AGBL1: variants seen among roughly 807,000 people sequenced by gnomAD.
The protein encoded by AGBL1 is cytosolic carboxypeptidase 4.
Under a neutral mutation model 118.9 loss-of-function variants are expected in AGBL1, and 130 were observed. The ratio of observed to expected loss-of-function variants is 1.09; its 90% confidence interval spans 0.95 to 1.26. The LOEUF (loss-of-function observed/expected upper bound fraction) is 1.26, where lower values mean the gene tolerates loss of function less well. AGBL1 is among the 50% of genes most tolerant of loss of function. AGBL1 has a pLI of 0.00. For synonymous variants in AGBL1, 555 were observed against 478.9 expected, an observed-to-expected ratio of 1.16 and a Z score of -2.08; for missense variants, 1,584 against 1,298.1, an observed-to-expected ratio of 1.22 and a Z score of -3.38.
At chr15:86,820,457 C>A (rs1480967741) in intron 22 of AGBL1, among the ~76,000 whole-genome samples, 2 of 151,556 alleles carry the variant, frequency 1.3e-5, no homozygotes, top group Non-Finnish European at 3.0e-5. Context: ...AGAAACAATC[C>A]CATCAAAAAG....
chr15:86,264,424 G>T lies in AGBL1; in HGVS notation c.1253G>T (p.Arg418Met). 1.9e-6 allele frequency: 3 copies of T among 1,614,010 alleles called. No individual in the cohort carries two copies. Among genetic ancestry groups the T allele is most frequent in the Non-Finnish European group, 2.5e-6 (3 of 1,179,886 alleles). Reference sequence around the variant, plus strand: ...GCTGTCCAGACTTCCCTTCTGTGCAGGGTGAAGACGGGAAGGTCCACTGTG... The same window carrying T: ...GCTGTCCAGACTTCCCTTCTGTGCATGGTGAAGACGGGAAGGTCCACTGTG... ...EYAVQTSLLCRVKTGRSTVHL... is the reference protein window; with the variant it reads ...EYAVQTSLLCMVKTGRSTVHL... The change falls in exon 11 of 23, where the codon AGG (arginine) becomes ATG (methionine). Residue 418 changes from arginine to methionine, a missense_variant. Transcript: ENST00000614907.
intron 17 of AGBL1, among the ~76,000 whole-genome samples, chr15:86,394,657 C>G (rs761205139): frequency 2.6e-5 from 4 of 152,118 alleles, no homozygotes; most frequent in Non-Finnish European, 5.9e-5. Context: ...GCTCCCTCTA[C>G]TTTTATAGTC....
In AGBL1 at chr15:86,266,457, GGT is replaced by G; in HGVS notation, c.1751+1_1751+2del. The G allele has an allele frequency of 6.4e-7, 1 of 1,560,284 alleles. No homozygotes were observed. The highest frequency in any genetic ancestry group is 1.2e-5 in the South Asian group (1 of 84,458). On this transcript the variant is annotated splice_donor_variant, in intron 12 of 22. Coordinates refer to ENST00000614907, the MANE Select transcript of AGBL1 (RefSeq NM_001386094.1). LOFTEE classifies it high-confidence loss of function. ...GTTGTCTTCAGTTTAGATGAGCCTT[GGT>G]AGGTAGTCTCGTGCATCTGAGGAAG...
At chr15:86,097,141 A>G (rs1344318605) in intron 1 of AGBL1, among the ~76,000 whole-genome samples, 2 of 152,128 alleles carry the variant, frequency 1.3e-5, no homozygotes, top group Non-Finnish European at 2.9e-5. Flanking sequence ...TCTAAATGTT[A>G]TTGGGATTGC....
intron 24 of AGBL1, among the ~76,000 whole-genome samples, chr15:86,997,890 GACACACACACACACACACAC>G (rs3030280): frequency 1.6e-4 from 24 of 145,936 alleles, no homozygotes; most frequent in East Asian, 1.2e-3. Flanking sequence ...ACATGTGGAA[GACACACACACACACACACAC>G]ACACACACAC....
At chr15:86,651,114 G>T (rs2085361572) in intron 21 of AGBL1, among the ~76,000 whole-genome samples, 1 of 152,144 alleles carries the variant, frequency 6.6e-6, no homozygotes, top group Admixed American at 6.6e-5. Context: ...TAGTTCTCAA[G>T]TTTTAATCAG....
chr15:86,485,296 C>A (rs924846690), intron 18 of AGBL1, among the ~76,000 whole-genome samples: 5 of 152,158 alleles, frequency 3.3e-5, no homozygotes, highest in African/African-American at 9.7e-5. Context: ...TTGAAGAGTG[C>A]TGCTCAAAGC....
intron 1 of AGBL1, among the ~76,000 whole-genome samples, chr15:86,100,304 C>T (rs1169495937): frequency 6.6e-6 from 1 of 152,044 alleles, no homozygotes; most frequent in Non-Finnish European, 1.5e-5. Context: ...TCTGTTGAGT[C>T]TTTGTCAGGT....
intron 22 of AGBL1, among the ~76,000 whole-genome samples, chr15:86,685,662 T>C (rs2086040851): frequency 6.6e-6 from 1 of 152,142 alleles, no homozygotes; most frequent in Non-Finnish European, 1.5e-5. Context: ...ATTACTATTA[T>C]GATTAATACT....
chr15:86,623,102 GA>G (rs1335852112), intron 21 of AGBL1, among the ~76,000 whole-genome samples: 1 of 152,198 alleles, frequency 6.6e-6, no homozygotes, highest in Non-Finnish European at 1.5e-5. Flanking sequence ...AAATACAGAT[GA>G]AGCTTCACTC....
intron 22 of AGBL1, among the ~76,000 whole-genome samples, chr15:86,817,193 G>A (rs1019534616): frequency 6.6e-6 from 1 of 151,480 alleles, no homozygotes; most frequent in Non-Finnish European, 1.5e-5. Flanking sequence ...TCAGGAGGCT[G>A]AGGCAGCAGA....
intron 22 of AGBL1, among the ~76,000 whole-genome samples, chr15:86,821,045 T>C (rs1044835712): frequency 1.3e-5 from 2 of 152,124 alleles, no homozygotes; most frequent in African/African-American, 2.4e-5. Flanking sequence ...TGGATGAAGC[T>C]TGAAATCTTC....
intron 21 of AGBL1, among the ~76,000 whole-genome samples, chr15:86,655,038 C>T (rs918000211): frequency 1.3e-5 from 2 of 152,230 alleles, no homozygotes; most frequent in East Asian, 1.9e-4. Flanking sequence ...TCACAGCTTG[C>T]CAGAAAAGGT....
chr15:86,977,699 ATTAC>A (rs1278608465), intron 23 of AGBL1, among the ~76,000 whole-genome samples: 4 of 152,094 alleles, frequency 2.6e-5, no homozygotes, highest in East Asian at 1.9e-4. Flanking sequence ...TATGTAATTA[ATTAC>A]TTAAGTCTAC....
rs541083363 is a variant in AGBL1 at position 86,397,428 on chromosome 15, G to C, written c.2437G>C (p.Val813Leu). 127 of 1,613,136 alleles carry C rather than the reference G, an allele frequency of 7.9e-5. No individual in the cohort carries two copies. The highest frequency in any genetic ancestry group is 9.8e-5 in the Non-Finnish European group (116 of 1,179,390). Reference protein sequence around the residue: ...VHPGESNASWVMKGTLEFLVS... With the variant: ...VHPGESNASWLMKGTLEFLVS... ...TCCAGGAGAGAGCAATGCCAGTTGG[G>C]TGATGAAGGGTACCTTGGAGTTCCT... The change falls in exon 18 of 23, where the codon GTG becomes CTG. Residue 813 changes from valine to leucine, a missense_variant. Coordinates refer to ENST00000614907, the MANE Select transcript of AGBL1 (RefSeq NM_001386094.1).
intron 16 of AGBL1, among the ~76,000 whole-genome samples, chr15:86,290,477 C>T (rs1050821328): frequency 1.2e-4 from 18 of 150,890 alleles, no homozygotes; most frequent in South Asian, 2.1e-4. Context: ...CAGCCTCCCA[C>T]GTAGCTGGGA....
At chr15:86,168,134 C>G (rs1331494621) in intron 5 of AGBL1, among the ~76,000 whole-genome samples, 1 of 152,118 alleles carries the variant, frequency 6.6e-6, no homozygotes, top group African/African-American at 2.4e-5. Flanking sequence ...GATTTGTGGG[C>G]ATTGAGTTGA....
At chr15:86,776,947 C>T (rs2078265297) in intron 22 of AGBL1, among the ~76,000 whole-genome samples, 1 of 151,730 alleles carries the variant, frequency 6.6e-6, no homozygotes, top group African/African-American at 2.4e-5. Context: ...TTCTTTTGTG[C>T]TCTAAGAAAT....
At chr15:86,496,871 G>C (rs1376818410) in intron 18 of AGBL1, among the ~76,000 whole-genome samples, 1 of 151,912 alleles carries the variant, frequency 6.6e-6, no homozygotes, top group Admixed American at 6.6e-5. Flanking sequence ...TTTTAAAAAT[G>C]CATCTTTTCC....
Sources: allele counts gnomAD v4.1 joint callset (sites outside exome capture counted in the v4.1 genomes callset), GRCh38; gene constraint gnomAD v4.1.1; transcripts MANE v1.5; gene names NCBI Gene and HGNC (gene_info 2026-07-23, HGNC 2026-07-21).